The following XRN1 variants were observed in gnomAD, a reference collection of about 807,000 sequenced individuals.
The protein encoded by XRN1 is 5'-3' exoribonuclease 1.
A neutral mutation model predicts 222.3 loss-of-function variants in XRN1; 67 were observed. The observed-to-expected ratio is 0.30, with a 90% CI of 0.25 to 0.37. The LOEUF is 0.37. Among genes scored for constraint, XRN1 ranks in the 10% least tolerant of loss-of-function variants. The pLI, the probability that XRN1 is intolerant of heterozygous loss-of-function variation, is 1.00. For synonymous variants in XRN1, 643 were observed against 652.4 expected, an observed-to-expected ratio of 0.99 and a Z score of 0.22; for missense variants, 1,707 against 2,000.2, an observed-to-expected ratio of 0.85 and a Z score of 2.80.
intron 33 of XRN1, among the ~76,000 whole-genome samples, chr3:142,337,756 A>C (rs978055248): frequency 6.6e-6 from 1 of 152,230 alleles, no homozygotes; most frequent in African/African-American, 2.4e-5. Flanking sequence ...TTATAAGCAG[A>C]AAAGTAACTG....
chr3:142,362,882 C>CA (rs1246636556), intron 29 of XRN1, among the ~76,000 whole-genome samples: 1 of 151,472 alleles, frequency 6.6e-6, no homozygotes, highest in Non-Finnish European at 1.5e-5. Flanking sequence ...GTGATTCTCC[C>CA]ACCTCACCCT....
At chr3:142,370,184 A>T (rs997775589) in intron 27 of XRN1, among the ~76,000 whole-genome samples, 1 of 152,162 alleles carries the variant, frequency 6.6e-6, no homozygotes, top group African/African-American at 2.4e-5. Flanking sequence ...AAGGGCATAA[A>T]ATTTAAATAC....
intron 33 of XRN1, among the ~76,000 whole-genome samples, chr3:142,342,127 T>A (rs559486673): frequency 6.6e-6 from 1 of 152,212 alleles, no homozygotes; most frequent in East Asian, 1.9e-4. Context: ...AAAATCAACA[T>A]ACAAAAATCA....
chr3:142,371,381 T>C, intron 25 of XRN1, 53 bp from the exon 26 acceptor site: 1 of 1,303,334 alleles, frequency 7.7e-7, no homozygotes, highest in East Asian at 2.4e-5. Flanking sequence ...TAATTTCGGA[T>C]AAACTTCCTA....
At chr3:142,326,485 CTGAT>C (rs1278886224) in intron 37 of XRN1, among the ~76,000 whole-genome samples, 12 of 151,624 alleles carry the variant, frequency 7.9e-5, no homozygotes, top group African/African-American at 2.7e-4. Flanking sequence ...AGAAATGTGA[CTGAT>C]TGTATGTTGA....
chr3:142,366,542 T>C (rs926772078), intron 27 of XRN1, among the ~76,000 whole-genome samples: 22 of 152,142 alleles, frequency 1.4e-4, no homozygotes, highest in Non-Finnish European at 2.9e-4. Flanking sequence ...GAGGGAGATA[T>C]ACAAGAAACA....
intron 15 of XRN1, among the ~76,000 whole-genome samples, chr3:142,409,987 T>C (rs1410414502): frequency 6.6e-6 from 1 of 152,236 alleles, no homozygotes; most frequent in East Asian, 1.9e-4. Flanking sequence ...TTTGTACAGA[T>C]CTTATACTCT....
intron 33 of XRN1, among the ~76,000 whole-genome samples, chr3:142,344,047 C>T (rs1178668814): frequency 7.1e-6 from 1 of 140,602 alleles, no homozygotes; most frequent in Admixed American, 7.3e-5. Flanking sequence ...AACGACTGAA[C>T]TCATGAAAAT....
chr3:142,413,053 ATTTAC>A (rs1285232025), intron 14 of XRN1, among the ~76,000 whole-genome samples: 1 of 152,170 alleles, frequency 6.6e-6, no homozygotes. Flanking sequence ...CAAATTGACA[ATTTAC>A]TTTCATGTCC....
chr3:142,312,755 T>C lies in XRN1; in HGVS notation c.4625A>G (p.Asn1542Ser). The part of the protein sequence containing the change: ...IPPAFPPPTA[N>S]IMPSSSHLFG... ...GAGATGAGACGACGAAGGCATTATA[T>C]TAGCTGTTAAAAACCAAGGAAAATT... The change falls in exon 40 of 41, where the codon AAT (asparagine) becomes AGT (serine). Residue 1542 changes from asparagine to serine, a missense_variant. Coordinates refer to ENST00000392981, the MANE Select transcript of XRN1 (RefSeq NM_001282857.2). The C allele has an allele frequency of 6.2e-7, 1 of 1,600,616 alleles. No homozygotes were observed. Among genetic ancestry groups the C allele is most frequent in the Non-Finnish European group, 8.5e-7 (1 of 1,174,578 alleles).
At chr3:142,367,457 G>T (rs1378741282) in intron 27 of XRN1, among the ~76,000 whole-genome samples, 9 of 151,964 alleles carry the variant, frequency 5.9e-5, no homozygotes, top group Non-Finnish European at 8.8e-5. Flanking sequence ...TTAACAATGA[G>T]GAAATAGAGG....
At position 142,447,774 on chromosome 3, in the gene XRN1, G is replaced by A; in HGVS notation, c.75+96C>T. 7.2e-7 allele frequency: 1 copy of A among 1,387,844 alleles called. No homozygotes were observed. Among genetic ancestry groups the A allele is most frequent in the Non-Finnish European group, 1.0e-6 (1 of 999,134 alleles). 86.0% of individuals were successfully genotyped at this position (1,387,844 alleles called of 1,614,324 possible). A position where few individuals can be genotyped will look rare whatever the true frequency, so the allele number is the denominator to read the frequency against. ...GCCACTAATCGTCCAGACGACGAGG[G>A]GAAAGAGGTGGCTCGAAAGCCCCAG... On this transcript the variant is annotated intron_variant, in intron 1 of 40. Coordinates refer to ENST00000392981, the MANE Select transcript of XRN1 (RefSeq NM_001282857.2). This position sits in a 1 kb window ranked among gnomAD's most constrained non-coding sequence, Gnocchi z 4.2.
rs116735811 is a variant in XRN1, at chr3:142,319,199, T to C, written c.4405-296A>G. ...ACAAACTATGGAGTTCTGCCTCTTT[T>C]TGTAAATAAAGTCTTACTGGAACAT... On this transcript the variant is annotated intron_variant, in intron 37 of 40. Coordinates refer to ENST00000392981, the MANE Select transcript of XRN1 (RefSeq NM_001282857.2). Among the ~76,000 whole-genome samples, 2,423 of 152,322 alleles carry C rather than the reference T, an allele frequency of 0.016. 29 individuals carry two copies. Among genetic ancestry groups the C allele is most frequent in the Non-Finnish European group, 0.025 (1,711 of 68,016 alleles).
At chr3:142,376,406 A>G in intron 24 of XRN1, 73 bp downstream of exon 24, 1 of 1,141,446 alleles carries the variant, frequency 8.8e-7, no homozygotes, top group South Asian at 1.4e-5. Context: ...ATAAATACTG[A>G]AATATTAAGC....
At chr3:142,433,880 C>T (rs1429479496) in intron 1 of XRN1, among the ~76,000 whole-genome samples, 4 of 152,094 alleles carry the variant, frequency 2.6e-5, no homozygotes, top group Non-Finnish European at 5.9e-5. Context: ...AAATGGCATG[C>T]CTTTGAGTTT....
intron 37 of XRN1, among the ~76,000 whole-genome samples, chr3:142,320,608 G>A (rs2065327134): frequency 6.6e-6 from 1 of 152,080 alleles, no homozygotes; most frequent in Admixed American, 6.6e-5. Context: ...TTGCTTTTGA[G>A]ATTAGTCATA....
chr3:142,395,680 G>C (rs1190415199), intron 20 of XRN1, among the ~76,000 whole-genome samples: 3 of 152,144 alleles, frequency 2.0e-5, no homozygotes, highest in Admixed American at 6.5e-5. Context: ...TACAGCTCTT[G>C]CTAAATCTCT....
In XRN1 at chr3:142,310,799, T is replaced by C. The variant is rs1274200919; in HGVS notation, c.*712A>G. On this transcript the variant is annotated 3_prime_UTR_variant, in exon 41 of 41. Transcript: ENST00000392981. ...GAAATTACTAATGCTGGTTCTTGAG[T>C]AACCTAAAAAATTGTATTTACTCAA... is the stretch of plus-strand genomic sequence containing the variant. 3.3e-5 allele frequency: 5 copies of C among 152,640 alleles called. No homozygotes were observed. Among genetic ancestry groups the C allele is most frequent in the African/African-American group, 1.2e-4 (5 of 41,476 alleles). The allele number at this position is 152,640 out of a possible 1,614,324, so 9.5% of individuals were successfully genotyped here. A position where few individuals can be genotyped will look rare whatever the true frequency, so the allele number is the denominator to read the frequency against.
At position 142,386,554 on chromosome 3, in the gene XRN1, G is replaced by A. The variant is rs145397591; in HGVS notation, c.2340-1869C>T. ...ACAGTAATTAAAAACAAGCTACAGTGATAATTTTATTTAAAGATAAATTAC... is the reference window on the plus strand; with the variant it reads ...ACAGTAATTAAAAACAAGCTACAGTAATAATTTTATTTAAAGATAAATTAC... On this transcript the variant is annotated intron_variant, in intron 20 of 40. Transcript: ENST00000392981. Among the ~76,000 whole-genome samples the A allele has an allele frequency of 3.1e-3, 466 of 152,130 alleles. 2 individuals are homozygous for A. The highest frequency in any genetic ancestry group is 3.6e-3 in the Non-Finnish European group (243 of 67,942).
Sources: allele counts gnomAD v4.1 joint callset (sites outside exome capture counted in the v4.1 genomes callset), GRCh38; gene constraint gnomAD v4.1.1; non-coding constraint Gnocchi (gnomAD v3.1); transcripts MANE v1.5; gene names NCBI Gene and HGNC (gene_info 2026-07-23, HGNC 2026-07-21).